ABCB1: variants seen among roughly 807,000 people sequenced by gnomAD.
The protein encoded by ABCB1 is ATP-dependent translocase ABCB1.
ABCB1 carries 69 observed loss-of-function variants against 142.0 expected under a neutral mutation model. That is an observed-to-expected ratio of 0.49 (90% CI 0.40 to 0.59). The LOEUF (loss-of-function observed/expected upper bound fraction) is 0.59, where lower values mean the gene tolerates loss of function less well. ABCB1 is among the 20% of genes least tolerant of loss of function. ABCB1 has a pLI of 0.00. For missense variants in ABCB1, 1,326 were observed against 1,554.7 expected (o/e 0.85, Z 2.47); for synonymous variants, 532 against 539.2 (o/e 0.99, Z 0.18).
At chr7:87,707,963 A>G (rs1829754594) in intron 1 of ABCB1, among the ~76,000 whole-genome samples, 5 of 152,110 alleles carry the variant, frequency 3.3e-5, no homozygotes, top group Admixed American at 3.3e-4. Context: ...TGAAATTGAA[A>G]AATATTTGGA....
chr7:87,625,814 C>A (rs1445781396), intron 1 of ABCB1, among the ~76,000 whole-genome samples: 1 of 152,028 alleles, frequency 6.6e-6, no homozygotes, highest in Admixed American at 6.6e-5. Context: ...TAGTCACAAA[C>A]ATCCATATAT....
chr7:87,638,506 A>T (rs768484446), intron 1 of ABCB1, among the ~76,000 whole-genome samples: 14 of 152,230 alleles, frequency 9.2e-5, no homozygotes, highest in Non-Finnish European at 1.6e-4. Context: ...TTAGTAACGG[A>T]ATCAATTCAT....
chr7:87,582,469 T>A (rs779693364), intron 4 of ABCB1, among the ~76,000 whole-genome samples: 52 of 152,184 alleles, frequency 3.4e-4, no homozygotes, highest in Non-Finnish European at 7.1e-4. Context: ...TCCTCAAGAG[T>A]TGGGAATGAT....
chr7:87,623,068 T>C (rs1199470843), intron 1 of ABCB1, among the ~76,000 whole-genome samples: 2 of 152,138 alleles, frequency 1.3e-5, no homozygotes, highest in Admixed American at 6.5e-5. Context: ...AAAAAAATAA[T>C]AGATTTTCTA....
chr7:87,674,334 C>G (rs2130542263), intron 1 of ABCB1, among the ~76,000 whole-genome samples: 1 of 152,154 alleles, frequency 6.6e-6, no homozygotes, highest in Non-Finnish European at 1.5e-5. Context: ...TGCTCTCTTG[C>G]TGCTATCATG....
intron 8 of ABCB1, among the ~76,000 whole-genome samples, chr7:87,555,465 CTG>C (rs1426460272): frequency 6.6e-6 from 1 of 152,198 alleles, no homozygotes; most frequent in East Asian, 1.9e-4. Context: ...AGCTCAAGCA[CTG>C]TCCAGATATG....
In ABCB1 at chr7:87,544,836, G is replaced by T. The variant is rs1027717457; in HGVS notation, c.2051C>A (p.Thr684Asn). Residue 684 changes from threonine to asparagine, a missense_variant, in exon 16 of 28, where the codon ACC becomes AAC. Physicochemically the swap from Thr to Asn is moderately conservative, Grantham distance 65. Transcript: ENST00000622132. Reference protein sequence around the residue: ...GSQAQDRKLSTKEALDESIPP... With the variant: ...GSQAQDRKLSNKEALDESIPP... Reference sequence around the variant, plus strand: ...CTCCCTTCATACCAGAGCCTCTTTGGTACTAAGCTTTCTGTCTTGGGCTTG... The same window carrying T: ...CTCCCTTCATACCAGAGCCTCTTTGTTACTAAGCTTTCTGTCTTGGGCTTG... 1.9e-6 allele frequency: 3 copies of T among 1,613,962 alleles called. No individual in the cohort carries two copies. Among genetic ancestry groups the T allele is most frequent in the African/African-American group, 1.3e-5 (1 of 75,002 alleles).
chr7:87,709,186 A>G (rs898245017), intron 1 of ABCB1: 1 of 923,886 alleles, frequency 1.1e-6, no homozygotes, highest in African/African-American at 1.8e-5. Flanking sequence ...GTATGGATTG[A>G]AATTAATAAA....
chr7:87,664,883 C>T (rs1033505344), intron 1 of ABCB1, among the ~76,000 whole-genome samples: 3 of 152,106 alleles, frequency 2.0e-5, no homozygotes, highest in East Asian at 3.9e-4. Flanking sequence ...CTTAGCAAAG[C>T]ATTTCACAAA....
At chr7:87,640,683 T>A (rs1431010717) in intron 1 of ABCB1, among the ~76,000 whole-genome samples, 1 of 152,292 alleles carries the variant, frequency 6.6e-6, no homozygotes, top group Non-Finnish European at 1.5e-5. Flanking sequence ...TATGTTAAAC[T>A]TTACCAGGCC....
chr7:87,607,536 C>CT (rs887972438), intron 1 of ABCB1, among the ~76,000 whole-genome samples: 31 of 149,330 alleles, frequency 2.1e-4, no homozygotes, highest in East Asian at 1.8e-3. Flanking sequence ...TTCTTTGATT[C>CT]TTTTTTTTTT....
At position 87,554,152 on chromosome 7, in the gene ABCB1, T is replaced by C. The variant is rs28381880; in HGVS notation, c.828-220A>G. 1.1e-3 allele frequency among the ~76,000 whole-genome samples: 175 copies of C among 152,306 alleles called. 3 individuals are homozygous for C. The East Asian group carries it at 0.033, about 29-fold the overall frequency. On this transcript the variant is annotated intron_variant, in intron 8 of 27. Transcript: ENST00000622132. Reference sequence around the variant, plus strand: ...GATTAACTTATTTGTGGGGGAGTCTTCTAAAATTTCCTTCTCTGGCTTTAG... The same window carrying C: ...GATTAACTTATTTGTGGGGGAGTCTCCTAAAATTTCCTTCTCTGGCTTTAG...
chr7:87,577,527 A>T (rs1584895666), intron 4 of ABCB1, among the ~76,000 whole-genome samples: 1 of 152,212 alleles, frequency 6.6e-6, no homozygotes, highest in South Asian at 2.1e-4. Flanking sequence ...ATTCTCAAAA[A>T]TGTACAAGTT....
intron 1 of ABCB1, among the ~76,000 whole-genome samples, chr7:87,712,844 CACAT>C (rs1830211047): frequency 6.6e-6 from 1 of 152,124 alleles, no homozygotes; most frequent in African/African-American, 2.4e-5. Flanking sequence ...GATATATGCA[CACAT>C]ACATATAATA....
chr7:87,632,417 T>A (rs750199048), intron 1 of ABCB1, among the ~76,000 whole-genome samples: 88 of 152,330 alleles, frequency 5.8e-4, no homozygotes, highest in Middle Eastern at 3.4e-3. Context: ...AACATTTACA[T>A]GTTGTAGACT....
At chr7:87,712,810 T>C (rs1830207032) in intron 1 of ABCB1, among the ~76,000 whole-genome samples, 3 of 152,092 alleles carry the variant, frequency 2.0e-5, no homozygotes, top group Admixed American at 1.3e-4. Flanking sequence ...GCGTACAATG[T>C]CATATATATG....
At chr7:87,563,108 C>T (rs939564175) in intron 7 of ABCB1, among the ~76,000 whole-genome samples, 1 of 152,072 alleles carries the variant, frequency 6.6e-6, no homozygotes, top group African/African-American at 2.4e-5. Flanking sequence ...CAAGACTGAA[C>T]CAGGAAGAAA....
intron 1 of ABCB1, among the ~76,000 whole-genome samples, chr7:87,616,087 A>G (rs993921101): frequency 6.6e-6 from 1 of 152,226 alleles, no homozygotes; most frequent in South Asian, 2.1e-4. Context: ...ATAAAGTTAT[A>G]TTTTATAGTA....
chr7:87,611,950 T>C (rs542774435), intron 1 of ABCB1, among the ~76,000 whole-genome samples: 1 of 152,180 alleles, frequency 6.6e-6, no homozygotes, highest in South Asian at 2.1e-4. Flanking sequence ...AATTTAATTA[T>C]TGACCTTAAA....
Sources: allele counts gnomAD v4.1 joint callset (sites outside exome capture counted in the v4.1 genomes callset), GRCh38; gene constraint gnomAD v4.1.1; transcripts MANE v1.5; gene names NCBI Gene and HGNC (gene_info 2026-07-23, HGNC 2026-07-21).